The following TMEM163 variants were observed in gnomAD, a reference collection of about 807,000 sequenced individuals.
The protein encoded by TMEM163 is transmembrane protein 163.
A neutral mutation model predicts 29.3 loss-of-function variants in TMEM163; 17 were observed. The ratio of observed to expected loss-of-function variants is 0.58; its 90% CI spans 0.40 to 0.87. The LOEUF (loss-of-function observed/expected upper bound fraction) is 0.87. TMEM163 is among the 40% of genes least tolerant of loss of function. The pLI is 0.00. For missense variants in TMEM163, 303 were observed against 381.5 expected (o/e 0.79, Z 1.71); for synonymous variants, 157 against 160.6 (o/e 0.98, Z 0.17).
At position 134,541,917 on chromosome 2, in the gene TMEM163, C is replaced by T. The variant is rs535855319; in HGVS notation, c.458+8653G>A. On this transcript the variant is annotated intron_variant, in intron 4 of 7. Coordinates refer to ENST00000281924, the MANE Select transcript of TMEM163 (RefSeq NM_030923.5). ...CTTTATGAATTACCTCAACTGTTTA[C>T]AATAAACATATATTACTTTGCCTTG... Among the ~76,000 whole-genome samples, 16 of 152,286 alleles carry T rather than the reference C, an allele frequency of 1.1e-4. No individual in the cohort carries two copies. In the East Asian group the frequency reaches 3.1e-3, roughly 29 times the overall value.
chr2:134,476,992 C>T (rs1686931961), intron 5 of TMEM163, among the ~76,000 whole-genome samples: 1 of 152,216 alleles, frequency 6.6e-6, no homozygotes, highest in African/African-American at 2.4e-5. Context: ...CCTTGTCTGA[C>T]TCCTCCAGGC....
intron 2 of TMEM163, among the ~76,000 whole-genome samples, chr2:134,658,188 A>G (rs1683664733): frequency 6.6e-6 from 1 of 152,222 alleles, no homozygotes; most frequent in South Asian, 2.1e-4. Context: ...AGCCTATGAG[A>G]ACATGAAGCA....
At chr2:134,545,966 A>T (rs1488958082) in intron 4 of TMEM163, among the ~76,000 whole-genome samples, 1 of 152,168 alleles carries the variant, frequency 6.6e-6, no homozygotes, top group Admixed American at 6.5e-5. Flanking sequence ...GCTTGTAAAC[A>T]TAACTTTCCC....
At chr2:134,700,941 A>ATAAATAAATACATAAATAC (rs1553495683) in intron 2 of TMEM163, among the ~76,000 whole-genome samples, 6 of 146,368 alleles carry the variant, frequency 4.1e-5, no homozygotes, top group Admixed American at 2.1e-4. Context: ...TAAATAAATA[A>ATAAATAAATACATAAATAC]ATAAATAAAG....
At chr2:134,649,169 T>C (rs1683408546) in intron 2 of TMEM163, among the ~76,000 whole-genome samples, 1 of 152,152 alleles carries the variant, frequency 6.6e-6, no homozygotes, top group Non-Finnish European at 1.5e-5. Context: ...CAACAAAGTA[T>C]ACGTATAATA....
chr2:134,696,900 C>T (rs932559578), intron 2 of TMEM163, among the ~76,000 whole-genome samples: 3 of 152,082 alleles, frequency 2.0e-5, no homozygotes, highest in East Asian at 1.9e-4. Context: ...CTCAGCCCCC[C>T]GAGTAGCTGG....
intron 2 of TMEM163, among the ~76,000 whole-genome samples, chr2:134,679,094 C>T (rs1684178210): frequency 6.6e-6 from 1 of 152,056 alleles, no homozygotes; most frequent in Admixed American, 6.5e-5. Context: ...AGGGAAGGTC[C>T]CAGAGACCAG....
At chr2:134,580,186 A>C (rs968840603) in intron 2 of TMEM163, among the ~76,000 whole-genome samples, 1 of 152,230 alleles carries the variant, frequency 6.6e-6, no homozygotes, top group Non-Finnish European at 1.5e-5. Context: ...ATTAAATGCT[A>C]GATGTCTGCA....
At chr2:134,711,451 A>G (rs1388130711) in intron 2 of TMEM163, among the ~76,000 whole-genome samples, 1 of 152,248 alleles carries the variant, frequency 6.6e-6, no homozygotes, top group Non-Finnish European at 1.5e-5. Context: ...TAGATAACAC[A>G]AATCATGATA....
chr2:134,622,377 T>C (rs1488421559), intron 2 of TMEM163, among the ~76,000 whole-genome samples: 1 of 152,212 alleles, frequency 6.6e-6, no homozygotes, highest in Non-Finnish European at 1.5e-5. Context: ...GTGGCTTCAC[T>C]TCTGTACAGG....
chr2:134,656,055 T>C (rs1295089141), intron 2 of TMEM163, among the ~76,000 whole-genome samples: 1 of 145,008 alleles, frequency 6.9e-6, no homozygotes, highest in Non-Finnish European at 1.5e-5. Flanking sequence ...GCAGGCCTCC[T>C]TGAGCTGTGG....
At position 134,456,808 on chromosome 2, in the gene TMEM163, C is replaced by T. The variant is rs760457701; in HGVS notation, c.810-32G>A. 3.1e-6 allele frequency: 5 copies of T among 1,610,380 alleles called. No individual in the cohort carries two copies. In the African/African-American group the frequency reaches 5.4e-5, roughly 17 times the overall value. On this transcript the variant is annotated intron_variant, in intron 7 of 7. Coordinates refer to ENST00000281924, the MANE Select transcript of TMEM163 (RefSeq NM_030923.5). ...AGACGAAGACAGACAAGGTCACCTC[C>T]ATGGCATGGGGCTGAAGAGCTTGGG...
intron 4 of TMEM163, among the ~76,000 whole-genome samples, chr2:134,509,547 G>C (rs1679903063): frequency 6.6e-6 from 1 of 152,188 alleles, no homozygotes; most frequent in African/African-American, 2.4e-5. Context: ...CCTATCTCCA[G>C]CCACAGCGAC....
intron 5 of TMEM163, among the ~76,000 whole-genome samples, chr2:134,480,335 T>G (rs759902420): frequency 6.6e-6 from 1 of 152,194 alleles, no homozygotes; most frequent in African/African-American, 2.4e-5. Context: ...GGGCTCACTG[T>G]GTCATCTCTC....
At chr2:134,712,937 G>C (rs984728927) in intron 2 of TMEM163, among the ~76,000 whole-genome samples, 1 of 152,096 alleles carries the variant, frequency 6.6e-6, no homozygotes, top group African/African-American at 2.4e-5. Flanking sequence ...TATTCAGCTA[G>C]CAGCCAGCAT....
At chr2:134,521,232 C>T (rs907911942) in intron 4 of TMEM163, among the ~76,000 whole-genome samples, 5 of 152,130 alleles carry the variant, frequency 3.3e-5, no homozygotes, top group African/African-American at 1.2e-4. Context: ...CTCCTGACCT[C>T]GTGATCCACC....
chr2:134,573,837 C>T (rs1424051379), intron 2 of TMEM163, among the ~76,000 whole-genome samples: 2 of 152,194 alleles, frequency 1.3e-5, no homozygotes, highest in East Asian at 1.9e-4. Context: ...TTGTTTCCAA[C>T]TGGGCCATTC....
At chr2:134,495,175 G>C (rs1359572097) in intron 5 of TMEM163, among the ~76,000 whole-genome samples, 3 of 152,222 alleles carry the variant, frequency 2.0e-5, no homozygotes, top group Non-Finnish European at 4.4e-5. Flanking sequence ...GAAGGGGCTG[G>C]AAGTCAATGC....
chr2:134,489,387 G>A (rs12478710), intron 5 of TMEM163, among the ~76,000 whole-genome samples: 17,484 of 151,930 alleles, frequency 0.12, 1,248 homozygotes, highest in South Asian at 0.2. Flanking sequence ...AGACCATCCC[G>A]GCCAACAGGG....
Sources: gnomAD v4.1 joint callset for allele counts (sites outside exome capture counted in the v4.1 genomes callset) on GRCh38, gnomAD v4.1.1 for gene constraint, MANE v1.5 for transcripts, NCBI Gene and HGNC (gene_info 2026-07-23, HGNC 2026-07-21) for gene names.